PTPRF: variants seen among roughly 807,000 people sequenced by gnomAD.
PTPRF encodes the protein receptor-type tyrosine-protein phosphatase F.
In PTPRF, 59 loss-of-function variants were observed where a neutral mutation model predicts 201.8. The observed-to-expected ratio is 0.29, with a 90% CI of 0.24 to 0.36. The LOEUF (loss-of-function observed/expected upper bound fraction) is 0.36, where lower values mean the gene tolerates loss of function less well. PTPRF is among the 10% of genes least tolerant of loss of function. The pLI is 1.00. For synonymous variants in PTPRF, 1,088 were observed against 1,089.7 expected (o/e 1.00, Z 0.03); for missense variants, 2,132 against 2,690.5 (o/e 0.79, Z 4.59).
rs140782511 is a variant in PTPRF, at chr1:43,542,742, C to T, written c.-45-2289C>T. Among the ~76,000 whole-genome samples, 521 of 152,250 alleles carry T rather than the reference C, an allele frequency of 3.4e-3. 7 individuals carry two copies. Among genetic ancestry groups the T allele is most frequent in the African/African-American group, 0.012 (486 of 41,536 alleles). On this transcript the variant is annotated intron_variant, in intron 2 of 33. Transcript: ENST00000359947. This position sits in a 1 kb window ranked among gnomAD's most constrained non-coding sequence, Gnocchi z 5.2. ...TGTCTGTACCCTCTGTGTCCGCCCA[C>T]GTGATGTCTAGACCACACCATTACA... is the stretch of plus-strand genomic sequence containing the variant.
chr1:43,551,679 C>G (rs762814862), intron 3 of PTPRF, among the ~76,000 whole-genome samples: 51 of 152,190 alleles, frequency 3.4e-4, no homozygotes, highest in Non-Finnish European at 3.1e-4. Context: ...GCCTCTATTT[C>G]CCCACCTCTT....
chr1:43,555,442 C>A (rs200197518), intron 5 of PTPRF, among the ~76,000 whole-genome samples: 1 of 115,560 alleles, frequency 8.7e-6, no homozygotes. Flanking sequence ...TATCATTATT[C>A]TTTTTTTTTT....
At chr1:43,608,673 GAGAC>G (rs1655727023) in intron 21 of PTPRF, among the ~76,000 whole-genome samples, 1 of 152,224 alleles carries the variant, frequency 6.6e-6, no homozygotes, top group Admixed American at 6.5e-5. Context: ...AGTGCTGCGA[GAGAC>G]AGTCTCGCAC....
intron 3 of PTPRF, among the ~76,000 whole-genome samples, chr1:43,547,513 T>C (rs1644756652): frequency 1.3e-5 from 2 of 152,292 alleles, no homozygotes; most frequent in South Asian, 4.1e-4. Context: ...GTTTTGGATC[T>C]CTCCCTGCAC....
intron 5 of PTPRF, among the ~76,000 whole-genome samples, chr1:43,556,932 CT>C (rs1306186233): frequency 6.6e-6 from 1 of 152,212 alleles, no homozygotes; most frequent in Non-Finnish European, 1.5e-5. Flanking sequence ...GCAATAGGAA[CT>C]CAGAGAACAG....
At position 43,604,900 on chromosome 1, in the gene PTPRF, C is replaced by T. The variant is rs768970327; in HGVS notation, c.3038-3C>T. The T allele has an allele frequency of 1.9e-6, 3 of 1,613,724 alleles. No individual in the cohort carries two copies. The highest frequency in any genetic ancestry group is 2.5e-6 in the Non-Finnish European group (3 of 1,179,896). ...AGAGCTGACTCTCTCTATGCCTTTG[C>T]AGTGTTTGCCAAGAACTTCCGGGTG... On this transcript the variant is annotated splice_polypyrimidine_tract_variant and splice_region_variant and intron_variant, in intron 16 of 33. Coordinates refer to ENST00000359947, the MANE Select transcript of PTPRF (RefSeq NM_002840.5).
Position 43,553,417 on chromosome 1 carries a change from A to T in PTPRF, c.92-75A>T. ...TTTGTAGGTCTTTCTCTCTGCCCCCATGACTGCCACCTTCCTCACTGGCCA... is the reference window on the plus strand; with the variant it reads ...TTTGTAGGTCTTTCTCTCTGCCCCCTTGACTGCCACCTTCCTCACTGGCCA... On this transcript the variant is annotated intron_variant, in intron 3 of 33. Transcript: ENST00000359947. This position sits in a 1 kb window ranked among gnomAD's most constrained non-coding sequence, Gnocchi z 4.1. The T allele has an allele frequency of 6.7e-7, 1 of 1,492,190 alleles. No individual in the cohort carries two copies. The highest frequency in any genetic ancestry group is 1.4e-5 in the African/African-American group (1 of 71,522). 92.4% of individuals were successfully genotyped at this position (1,492,190 alleles called of 1,614,324 possible). A position where few individuals can be genotyped will look rare whatever the true frequency, so the allele number is the denominator to read the frequency against.
intron 23 of PTPRF, 71 bp from the exon 24 acceptor site, chr1:43,617,374 G>A (rs2154032958): frequency 6.3e-7 from 1 of 1,595,674 alleles, no homozygotes; most frequent in African/African-American, 1.3e-5. Flanking sequence ...GGGAAGGCTG[G>A]GTCCCCTGCA....
chr1:43,566,882 G>A (rs1342577102), intron 5 of PTPRF, among the ~76,000 whole-genome samples: 2 of 152,210 alleles, frequency 1.3e-5, no homozygotes, highest in African/African-American at 4.8e-5. Context: ...GGCAGTGCCT[G>A]AGGGATGATC....
Position 43,553,167 on chromosome 1 carries a change from T to C in PTPRF, c.92-325T>C, listed in dbSNP as rs1045220722. Among the ~76,000 whole-genome samples the C allele has an allele frequency of 1.2e-4, 19 of 152,126 alleles. 1 individual carries two copies. The highest frequency in any genetic ancestry group is 2.9e-5 in the Non-Finnish European group (2 of 68,022). ...TGGGGCGGGCAACAGAAGGGTGCAG[T>C]GGTAGTGTGAACTCCAGACTTGGAA... On this transcript the variant is annotated intron_variant, in intron 3 of 33. Coordinates refer to ENST00000359947, the MANE Select transcript of PTPRF (RefSeq NM_002840.5). This position sits in a 1 kb window ranked among gnomAD's most constrained non-coding sequence, Gnocchi z 4.1.
chr1:43,600,986 C>G (rs887007667), intron 13 of PTPRF, among the ~76,000 whole-genome samples: 1 of 152,196 alleles, frequency 6.6e-6, no homozygotes, highest in African/African-American at 2.4e-5. Context: ...GGCAAGGAGA[C>G]TGGAAGGGAC....
At position 43,618,710 on chromosome 1, in the gene PTPRF, G is replaced by T; in HGVS notation, c.4452G>T (p.Glu1484Asp). Residue 1484 changes from glutamate to aspartate, a missense_variant, in exon 26 of 34, where the codon GAG becomes GAT. Around this residue, in one of 6 missense-constraint regions of PTPRF, gnomAD observed 519 missense variants for 659.5 expected, o/e 0.79. Transcript: ENST00000359947. ...AGGTGACCCTGTTGGACACAGTGGA[G>T]CTGGCCACATACACTGTGCGCACCT... ...LIQVTLLDTVELATYTVRTFA... is the reference protein window; with the variant it reads ...LIQVTLLDTVDLATYTVRTFA... 1 of 1,611,862 alleles carries T rather than the reference G, an allele frequency of 6.2e-7. No individual in the cohort carries two copies. The highest frequency in any genetic ancestry group is 1.3e-5 in the African/African-American group (1 of 74,976).
At chr1:43,595,825 C>T (rs1375797106) in intron 11 of PTPRF, among the ~76,000 whole-genome samples, 5 of 152,028 alleles carry the variant, frequency 3.3e-5, no homozygotes, top group East Asian at 1.9e-4. Context: ...CATGGTCATG[C>T]GCCAAGAGGA....
rs1400453918 is a variant in PTPRF at position 43,603,668 on chromosome 1, A to G, written c.2516A>G (p.Gln839Arg). ...ACGGCCATGAACACTGCGCTGCTCC[A>G]GTGGCACCCACCCAAGGAACTGCCT... ...STTAMNTALL[Q>R]WHPPKELPGE... Residue 839 changes from glutamine to arginine, a missense_variant, in exon 16 of 34, where the codon CAG (glutamine) becomes CGG (arginine). Around this residue, in one of 6 missense-constraint regions of PTPRF, gnomAD observed 818 missense variants for 915.3 expected, o/e 0.89. Coordinates refer to ENST00000359947, the MANE Select transcript of PTPRF (RefSeq NM_002840.5). This position sits in a 1 kb window ranked among gnomAD's most constrained non-coding sequence, Gnocchi z 5.8. The G allele has an allele frequency of 5.6e-6, 9 of 1,613,520 alleles. No individual in the cohort carries two copies. Among genetic ancestry groups the G allele is most frequent in the Admixed American group, 1.7e-5 (1 of 59,980 alleles).
intron 23 of PTPRF, among the ~76,000 whole-genome samples, chr1:43,615,652 T>C (rs543824414): frequency 8.2e-5 from 12 of 146,870 alleles, no homozygotes; most frequent in African/African-American, 2.5e-4. Flanking sequence ...GTGCAAGCTC[T>C]GCCTCCTGGG....
At chr1:43,605,663 A>G in intron 19 of PTPRF, 41 bp downstream of exon 19, 1 of 1,579,534 alleles carries the variant, frequency 6.3e-7, no homozygotes, top group Non-Finnish European at 8.7e-7. Flanking sequence ...GCCCCATTGC[A>G]GTGGTCAGCT....
intron 3 of PTPRF, among the ~76,000 whole-genome samples, chr1:43,552,863 CG>C (rs950259473): frequency 2.1e-5 from 3 of 140,626 alleles, no homozygotes; most frequent in South Asian, 5.3e-4. Context: ...ATAACTAAGT[CG>C]GGGGGGAGGG....
rs1437091028 is a variant in PTPRF, at chr1:43,591,537, C to G, written c.1515C>G (p.Val505=). ...GCCCTCCCAGCCCCACCATCCAGGT[C>G]AAGACGCAGCAGGGAGGTAGGTGGG... The part of the protein sequence containing the change: ...GDGPPSPTIQ[V]KTQQGVPAQP... The change falls in exon 9 of 34, where the codon GTC becomes GTG. Residue 505 remains valine (V), a synonymous_variant. Transcript: ENST00000359947. 2 of 1,584,162 alleles carry G rather than the reference C, an allele frequency of 1.3e-6. No homozygotes were observed. Among genetic ancestry groups the G allele is most frequent in the African/African-American group, 2.7e-5 (2 of 74,522 alleles).
At chr1:43,618,016 C>T (rs1658294099) in intron 25 of PTPRF, 105 bp downstream of exon 25, 1 of 1,212,978 alleles carries the variant, frequency 8.2e-7, no homozygotes, top group East Asian at 2.6e-5. Context: ...GGAAGTCGCT[C>T]AAGTGATCCC....
Sources: allele counts gnomAD v4.1 joint callset (sites outside exome capture counted in the v4.1 genomes callset), GRCh38; gene constraint gnomAD v4.1.1; regional missense constraint gnomAD v4.1.1; non-coding constraint Gnocchi (gnomAD v3.1); transcripts MANE v1.5; gene names NCBI Gene and HGNC (gene_info 2026-07-23, HGNC 2026-07-21).